Variants in PTPRR observed in about 807,000 individuals in gnomAD.
The protein encoded by PTPRR is receptor-type tyrosine-protein phosphatase R.
Under a neutral mutation model 77.2 loss-of-function variants are expected in PTPRR, and 38 were observed. That is an observed-to-expected ratio of 0.49 (90% CI 0.38 to 0.65). The LOEUF is 0.65. PTPRR is among the 30% of genes least tolerant of loss of function. The probability of loss-of-function intolerance (pLI) is 0.00; values close to 1 mark genes in which losing one functional copy is unlikely to be tolerated. For missense variants in PTPRR, 744 were observed against 799.2 expected, an observed-to-expected ratio of 0.93 and a Z score of 0.83; for synonymous variants, 299 against 283.1, an observed-to-expected ratio of 1.06 and a Z score of -0.57.
At position 70,669,505 on chromosome 12, in the gene PTPRR, C is replaced by CTATA. The variant is rs34973092; in HGVS notation, c.1498-6904_1498-6901dup. On this transcript the variant is annotated intron_variant, in intron 10 of 13. Coordinates refer to ENST00000283228, the MANE Select transcript of PTPRR (RefSeq NM_002849.4). Reference sequence around the variant, plus strand: ...GTGTGTGTGTGTATATATATACGAGCTATATATATATATAAGCTATATATA... The same window carrying CTATA: ...GTGTGTGTGTGTATATATATACGAGCTATATATATATATATATAAGCTATATATA... Among the ~76,000 whole-genome samples the CTATA allele has an allele frequency of 5.6e-3, 795 of 141,964 alleles. 9 individuals are homozygous for CTATA. Among genetic ancestry groups the CTATA allele is most frequent in the African/African-American group, 0.018 (670 of 37,836 alleles). 93.1% of individuals were successfully genotyped at this position (141,964 alleles called of 152,430 possible). A position where few individuals can be genotyped will look rare whatever the true frequency, so the allele number is the denominator to read the frequency against.
chr12:70,819,186 T>C (rs1314408893), intron 2 of PTPRR, among the ~76,000 whole-genome samples: 1 of 152,174 alleles, frequency 6.6e-6, no homozygotes, highest in Non-Finnish European at 1.5e-5. Flanking sequence ...CCAGGTGTGG[T>C]GGCGCATGCC....
chr12:70,804,334 T>C (rs58563045), intron 2 of PTPRR, among the ~76,000 whole-genome samples: 22,492 of 152,048 alleles, frequency 0.15, 2,119 homozygotes, highest in African/African-American at 0.26. Flanking sequence ...TATGAGTAGA[T>C]TGCTTGAGCT....
chr12:70,666,044 C>G (rs1268489846), intron 10 of PTPRR, among the ~76,000 whole-genome samples: 1 of 152,106 alleles, frequency 6.6e-6, no homozygotes, highest in Non-Finnish European at 1.5e-5. Context: ...GACATAGGCT[C>G]AGAGATTTAA....
intron 4 of PTPRR, among the ~76,000 whole-genome samples, chr12:70,756,325 T>C (rs1438161278): frequency 2.0e-5 from 3 of 152,034 alleles, no homozygotes; most frequent in Non-Finnish European, 2.9e-5. Context: ...TGCACTTTCT[T>C]GGTAAATAGA....
At chr12:70,851,574 T>C (rs970341038) in intron 2 of PTPRR, among the ~76,000 whole-genome samples, 1 of 152,114 alleles carries the variant, frequency 6.6e-6, no homozygotes, top group Non-Finnish European at 1.5e-5. Context: ...AATAAGAGAA[T>C]CCACTCTGTA....
intron 2 of PTPRR, among the ~76,000 whole-genome samples, chr12:70,813,993 C>T (rs1450762676): frequency 6.6e-6 from 1 of 152,104 alleles, no homozygotes; most frequent in South Asian, 2.1e-4. Context: ...CCTGTTTCCA[C>T]CAGCCAGAGT....
At position 70,827,401 on chromosome 12, in the gene PTPRR, C is replaced by A. The variant is rs117345291; in HGVS notation, c.358-62623G>T. Among the ~76,000 whole-genome samples, 711 of 152,240 alleles carry A rather than the reference C, an allele frequency of 4.7e-3. 2 individuals are homozygous for A. Among genetic ancestry groups the A allele is most frequent in the Non-Finnish European group, 7.1e-3 (484 of 68,014 alleles). On this transcript the variant is annotated intron_variant, in intron 2 of 13. Transcript: ENST00000283228. ...CTCAGAGTTCTGGAAGCTGGAAGAT[C>A]TAGATCAAAGTGCTGGTAGAGTCAG...
intron 2 of PTPRR, among the ~76,000 whole-genome samples, chr12:70,800,338 T>C (rs1891593791): frequency 6.6e-6 from 1 of 151,492 alleles, no homozygotes; most frequent in South Asian, 2.1e-4. Flanking sequence ...AAATGCGATA[T>C]GGTATCAAAG....
At chr12:70,730,934 C>T (rs945225392) in intron 6 of PTPRR, among the ~76,000 whole-genome samples, 4 of 127,112 alleles carry the variant, frequency 3.1e-5, no homozygotes, top group Admixed American at 2.4e-4. Context: ...GAGAGAGAGA[C>T]AGAAGGAAGG....
At chr12:70,787,584 C>T (rs1021796378) in intron 2 of PTPRR, among the ~76,000 whole-genome samples, 1 of 149,602 alleles carries the variant, frequency 6.7e-6, no homozygotes, top group Non-Finnish European at 1.5e-5. Flanking sequence ...TTTCCTTTCC[C>T]TTTAGTCTAA....
chr12:70,799,884 T>C (rs569049329), intron 2 of PTPRR, among the ~76,000 whole-genome samples: 1 of 152,324 alleles, frequency 6.6e-6, no homozygotes, highest in South Asian at 2.1e-4. Context: ...GTAGGCTTCT[T>C]AGCCAGCCCT....
At chr12:70,707,122 C>G (rs1433881288) in intron 6 of PTPRR, among the ~76,000 whole-genome samples, 1 of 152,004 alleles carries the variant, frequency 6.6e-6, no homozygotes, top group Non-Finnish European at 1.5e-5. Context: ...AATCAATGGT[C>G]GTCTAAGTTG....
chr12:70,699,090 A>T (rs566426531), intron 7 of PTPRR, among the ~76,000 whole-genome samples: 147 of 152,346 alleles, frequency 9.6e-4, no homozygotes, highest in Admixed American at 1.6e-3. Flanking sequence ...TAACCAGGAC[A>T]AATAAAGCAA....
In PTPRR at chr12:70,885,281, G is replaced by A. The variant is rs1351865833; in HGVS notation, c.357+7398C>T. On this transcript the variant is annotated intron_variant, in intron 2 of 13. Coordinates refer to ENST00000283228, the MANE Select transcript of PTPRR (RefSeq NM_002849.4). ...GATGAGTGGCCTTAAATCAGTGACT[G>A]TATTGGGAATATAAGTCAATATATA... 2.4e-4 allele frequency among the ~76,000 whole-genome samples: 36 copies of A among 152,102 alleles called. 1 individual carries two copies. Among genetic ancestry groups the A allele is most frequent in the Admixed American group, 2.4e-3 (36 of 15,270 alleles).
At chr12:70,875,132 C>A (rs1161305379) in intron 2 of PTPRR, among the ~76,000 whole-genome samples, 2 of 151,732 alleles carry the variant, frequency 1.3e-5, no homozygotes, top group Non-Finnish European at 2.9e-5. Flanking sequence ...TAATATGCAC[C>A]ATTAAAAAGA....
At chr12:70,747,066 T>C (rs1054271963) in intron 5 of PTPRR, among the ~76,000 whole-genome samples, 1 of 152,214 alleles carries the variant, frequency 6.6e-6, no homozygotes, top group Non-Finnish European at 1.5e-5. Flanking sequence ...CTTACCTTTA[T>C]AATAACTACT....
At chr12:70,811,542 ACAGCAG>A (rs1260438336) in intron 2 of PTPRR, among the ~76,000 whole-genome samples, 2 of 152,222 alleles carry the variant, frequency 1.3e-5, no homozygotes, top group African/African-American at 4.8e-5. Context: ...CATGCAAAAC[ACAGCAG>A]AAACCTTAGA....
chr12:70,766,785 C>A (rs1035423401), intron 2 of PTPRR, among the ~76,000 whole-genome samples: 6 of 152,208 alleles, frequency 3.9e-5, no homozygotes, highest in East Asian at 1.9e-4. Flanking sequence ...TTACCCACAA[C>A]GGGAAGCCCA....
chr12:70,832,926 C>T (rs1892239809), intron 2 of PTPRR, among the ~76,000 whole-genome samples: 1 of 152,090 alleles, frequency 6.6e-6, no homozygotes, highest in Non-Finnish European at 1.5e-5. Flanking sequence ...AGATGCCAGG[C>T]TCCTTTAGAC....
Sources: allele counts gnomAD v4.1 joint callset (sites outside exome capture counted in the v4.1 genomes callset), GRCh38; gene constraint gnomAD v4.1.1; transcripts MANE v1.5; gene names NCBI Gene and HGNC (gene_info 2026-07-23, HGNC 2026-07-21).